PER3: variants seen among roughly 807,000 people sequenced by gnomAD.
PER3 encodes period circadian protein homolog 3.
Under a neutral mutation model 127.2 loss-of-function variants are expected in PER3, and 107 were observed. That is an observed-to-expected ratio of 0.84 (90% CI 0.72 to 0.99). The LOEUF (loss-of-function observed/expected upper bound fraction) is 0.99. PER3 is among the 50% of genes least tolerant of loss of function. PER3 has a pLI of 0.00. For synonymous variants in PER3, 618 were observed against 585.8 expected (o/e 1.05, Z -0.79); for missense variants, 1,560 against 1,525.8 (o/e 1.02, Z -0.37).
In PER3 at chr1:7,834,084, A is replaced by C. The variant is rs569639017; in HGVS notation, c.3215-1678A>C. On this transcript the variant is annotated intron_variant, in intron 19 of 21. Coordinates refer to ENST00000377532, the MANE Select transcript of PER3 (RefSeq NM_001377275.1). ...ACTACAGGCGTGCACCACCACGCCT[A>C]ATTTTTTGTATTTTTAGTATAGACG... is the stretch of plus-strand genomic sequence containing the variant. Among the ~76,000 whole-genome samples, 16 of 152,042 alleles carry C rather than the reference A, an allele frequency of 1.1e-4. 1 individual carries two copies. Among genetic ancestry groups the C allele is most frequent in the African/African-American group, 3.9e-4 (16 of 41,488 alleles).
chr1:7,827,599 A>G lies in PER3; in HGVS notation c.2670A>G (p.Ser890=), dbSNP rs1228714920. 1 of 1,614,062 alleles carries G rather than the reference A, an allele frequency of 6.2e-7. No individual in the cohort carries two copies. The highest frequency in any genetic ancestry group is 8.5e-7 in the Non-Finnish European group (1 of 1,180,016). ...CAGCCTCTTCTGCGATATCACCCTC[A>G]ATGTCGTCAGCAATGAGTCCAACTC... ...GATASSAISP[S]MSSAMSPTLD... Residue 890 remains serine (S), a synonymous_variant, in exon 18 of 22, where the codon TCA becomes TCG. Coordinates refer to ENST00000377532, the MANE Select transcript of PER3 (RefSeq NM_001377275.1).
At chr1:7,790,264 G>A (rs2097113136) in intron 5 of PER3, among the ~76,000 whole-genome samples, 1 of 152,208 alleles carries the variant, frequency 6.6e-6, no homozygotes. Flanking sequence ...AGTTCCACAT[G>A]ACTGGGGAGG....
At chr1:7,838,336 A>T (rs1331255552) in intron 21 of PER3, among the ~76,000 whole-genome samples, 1 of 152,066 alleles carries the variant, frequency 6.6e-6, no homozygotes, top group African/African-American at 2.4e-5. Context: ...CAAAACTGAA[A>T]CTCTGTACCC....
chr1:7,787,434 T>C (rs781219191), intron 4 of PER3: 13 of 450,530 alleles, frequency 2.9e-5, no homozygotes, highest in Non-Finnish European at 3.5e-5. Context: ...ATCCCTAGTA[T>C]TATAACAGTG....
At chr1:7,803,540 A>G in intron 9 of PER3, 152 bp from the exon 10 acceptor site, 1 of 594,946 alleles carries the variant, frequency 1.7e-6, no homozygotes. Context: ...GTGAGCCAAT[A>G]TCATGCCACT....
Position 7,809,976 on chromosome 1 carries a change from C to G in PER3, c.1326C>G (p.Ser442=). Residue 442 remains serine (S), a synonymous_variant, in exon 12 of 22, where the codon TCC becomes TCG. Transcript: ENST00000377532. ...AGCAGCTTGTCAGCATCGCCTCCTC[C>G]AGTGAGGCCAGTGGGCACCGTGTGG... ...SQEQLVSIAS[S]SEASGHRVEE... is the part of the protein sequence containing the mutation. 6.2e-7 allele frequency: 1 copy of G among 1,613,828 alleles called. No homozygotes were observed. Among genetic ancestry groups the G allele is most frequent in the Non-Finnish European group, 8.5e-7 (1 of 1,179,686 alleles).
rs753088381 is a variant in PER3 at position 7,784,831 on chromosome 1, G to T, written c.-47G>T. The T allele has an allele frequency of 2.8e-6, 4 of 1,409,506 alleles. No homozygotes were observed. The highest frequency in any genetic ancestry group is 3.7e-6 in the Non-Finnish European group (4 of 1,089,724). 87.3% of individuals were successfully genotyped at this position (1,409,506 alleles called of 1,614,324 possible). ...TGACTGCAAAGTGAGCGAGAAGCAG[G>T]CTGCGGGCCGTCCCAGCACGACGTG... is the stretch of plus-strand genomic sequence containing the variant. On this transcript the variant is annotated 5_prime_UTR_variant, in exon 2 of 22. Coordinates refer to ENST00000377532, the MANE Select transcript of PER3 (RefSeq NM_001377275.1).
In PER3 at chr1:7,788,184, G is replaced by A. The variant is rs141195095; in HGVS notation, c.530G>A (p.Arg177Lys). Reference sequence around the variant, plus strand: ...GACCTGCTTGCACCTCAAGACATGAGGGTATTCTACGCGCACACTGCCAGA... The same window carrying A: ...GACCTGCTTGCACCTCAAGACATGAAGGTATTCTACGCGCACACTGCCAGA... ...FVDLLAPQDMRVFYAHTARAQ... is the reference protein window; with the variant it reads ...FVDLLAPQDMKVFYAHTARAQ... Residue 177 changes from arginine to lysine, a missense_variant, in exon 5 of 22, where the codon AGG becomes AAG. By Grantham distance (26) the Arg-to-Lys change is conservative. Transcript: ENST00000377532. 9.8e-5 allele frequency: 158 copies of A among 1,614,086 alleles called. 1 individual carries two copies. Among genetic ancestry groups the A allele is most frequent in the Admixed American group, 2.3e-4 (14 of 60,012 alleles).
intron 6 of PER3, among the ~76,000 whole-genome samples, chr1:7,796,080 C>T (rs77772130): frequency 0.049 from 7,385 of 152,258 alleles, 621 homozygotes; most frequent in East Asian, 0.28. Context: ...GAGAGTGCCC[C>T]ATGGTCTTTG....
chr1:7,788,344 C>T (rs541991664), intron 5 of PER3, 98 bp downstream of exon 5: 2 of 840,682 alleles, frequency 2.4e-6, no homozygotes, highest in Admixed American at 4.7e-5. Flanking sequence ...TTAGAACATG[C>T]ACACTATCTG....
intron 14 of PER3, 87 bp downstream of exon 14, chr1:7,819,507 C>A: frequency 8.3e-7 from 1 of 1,206,996 alleles, no homozygotes; most frequent in African/African-American, 1.5e-5. Context: ...TTTTTAATAG[C>A]TGCTCTGACT....
chr1:7,826,739 TTAATC>T lies in PER3; in HGVS notation c.2188+32_2188+36del, dbSNP rs2097303160. The T allele has an allele frequency of 1.6e-6, 2 of 1,288,578 alleles. No individual in the cohort carries two copies. Among genetic ancestry groups the T allele is most frequent in the Admixed American group, 1.7e-5 (1 of 58,270 alleles). 79.8% of individuals were successfully genotyped at this position (1,288,578 alleles called of 1,614,324 possible). A position where few individuals can be genotyped will look rare whatever the true frequency, so the allele number is the denominator to read the frequency against. ...CGTAATTTTTTAAAAATAAATGCCA[TTAATC>T]TATGTAAATGTTACAAACTGTATCT... On this transcript the variant is annotated intron_variant, in intron 17 of 21. Transcript: ENST00000377532. The surrounding 1 kb of genome is among the most constrained non-coding windows in gnomAD (Gnocchi z 4.2).
At chr1:7,801,690 C>T (rs1442184143) in intron 8 of PER3, among the ~76,000 whole-genome samples, 2 of 152,092 alleles carry the variant, frequency 1.3e-5, no homozygotes, top group Non-Finnish European at 2.9e-5. Flanking sequence ...GTCCTTCCTA[C>T]TTTTGGGGGA....
At chr1:7,802,289 G>C (rs2097173910) in intron 8 of PER3, among the ~76,000 whole-genome samples, 1 of 152,022 alleles carries the variant, frequency 6.6e-6, no homozygotes, top group Admixed American at 6.6e-5. Context: ...TTGAGATGGA[G>C]TCTCACACTG....
chr1:7,810,370 T>G, intron 12 of PER3, 68 bp from the exon 13 acceptor site: 1 of 1,126,610 alleles, frequency 8.9e-7, no homozygotes, highest in Non-Finnish European at 1.3e-6. Context: ...AAGTGTATTT[T>G]GTTTATGTAT....
intron 21 of PER3, among the ~76,000 whole-genome samples, chr1:7,840,152 C>T (rs755951910): frequency 6.6e-6 from 1 of 151,950 alleles, no homozygotes; most frequent in Non-Finnish European, 1.5e-5. Context: ...CTGCTTAGAT[C>T]GGCTTTTGAA....
At chr1:7,828,109 A>C (rs228699) in intron 18 of PER3, among the ~76,000 whole-genome samples, 11,387 of 152,328 alleles carry the variant, frequency 0.075, 532 homozygotes, top group Middle Eastern at 0.13. Context: ...ACTCTTTAAA[A>C]TTCGTTACAG....
At chr1:7,834,677 C>CA (rs1400554808) in intron 19 of PER3, among the ~76,000 whole-genome samples, 1 of 152,072 alleles carries the variant, frequency 6.6e-6, no homozygotes, top group South Asian at 2.1e-4. Context: ...AGGCTGGTTT[C>CA]AAACTCCTGG....
Position 7,835,852 on chromosome 1 carries a change from A to G in PER3, c.3305A>G (p.Lys1102Arg). Residue 1102 changes from lysine (K) to arginine (R), a missense_variant, in exon 20 of 22, where the codon AAA becomes AGA. Around this residue, in one of 3 missense-constraint regions of PER3, gnomAD observed 199 missense variants for 198.6 expected, o/e 1.00. Coordinates refer to ENST00000377532, the MANE Select transcript of PER3 (RefSeq NM_001377275.1). Reference sequence around the variant, plus strand: ...CAGCAATCTCAGGACGTACAGAAAAAAGAAACATTTCCTAATGTCGCCGAA... The same window carrying G: ...CAGCAATCTCAGGACGTACAGAAAAGAGAAACATTTCCTAATGTCGCCGAA... Reference protein sequence around the residue: ...NGQQSQDVQKKETFPNVAEEP... With the variant: ...NGQQSQDVQKRETFPNVAEEP... 1.2e-6 allele frequency: 2 copies of G among 1,612,702 alleles called. No homozygotes were observed. Among genetic ancestry groups the G allele is most frequent in the Non-Finnish European group, 1.7e-6 (2 of 1,178,634 alleles).
Sources: allele counts gnomAD v4.1 joint callset (sites outside exome capture counted in the v4.1 genomes callset), GRCh38; gene constraint gnomAD v4.1.1; regional missense constraint gnomAD v4.1.1; non-coding constraint Gnocchi (gnomAD v3.1); transcripts MANE v1.5; gene names NCBI Gene and HGNC (gene_info 2026-07-23, HGNC 2026-07-21).